VPS13B: variants seen among roughly 807,000 people sequenced by gnomAD.
The protein encoded by VPS13B is vacuolar protein sorting 13 homolog B, also known as intermembrane lipid transfer protein VPS13B.
VPS13B carries 285 observed loss-of-function variants against 426.4 expected under a neutral mutation model. The observed-to-expected ratio is 0.67, with a 90% CI of 0.61 to 0.74. The LOEUF (loss-of-function observed/expected upper bound fraction) is 0.74. Ranked by LOEUF, VPS13B falls within the 30% of genes least tolerant of loss-of-function variation. The pLI, the probability that VPS13B is intolerant of heterozygous loss-of-function variation, is 0.00. For synonymous variants in VPS13B, 1,676 were observed against 1,676.4 expected (o/e 1.00, Z 0.01); for missense variants, 4,537 against 4,782.6 (o/e 0.95, Z 1.51).
chr8:99,739,230 C>G (rs1220056099), intron 39 of VPS13B, among the ~76,000 whole-genome samples: 1 of 152,192 alleles, frequency 6.6e-6, no homozygotes, highest in African/African-American at 2.4e-5. Flanking sequence ...TCATTGCTAG[C>G]ACAGCAGTCT....
intron 2 of VPS13B, among the ~76,000 whole-genome samples, chr8:99,030,822 T>G (rs2132192417): frequency 6.6e-6 from 1 of 152,342 alleles, no homozygotes; most frequent in Admixed American, 6.5e-5. Flanking sequence ...ATTCATAAAT[T>G]TGGTAAATAT....
intron 35 of VPS13B, among the ~76,000 whole-genome samples, chr8:99,666,429 A>T (rs1830489947): frequency 6.6e-6 from 1 of 152,288 alleles, no homozygotes; most frequent in South Asian, 2.1e-4. Context: ...GGCAAACCGA[A>T]TCCAGCAGCA....
intron 14 of VPS13B, among the ~76,000 whole-genome samples, chr8:99,154,467 G>A (rs1811247050): frequency 6.6e-6 from 1 of 152,058 alleles, no homozygotes. Context: ...CAGTATGCCT[G>A]TCAAAGGGAA....
intron 17 of VPS13B, among the ~76,000 whole-genome samples, chr8:99,195,205 T>A (rs1415504692): frequency 1.3e-5 from 2 of 152,224 alleles, no homozygotes; most frequent in African/African-American, 2.4e-5. Flanking sequence ...TCTTTCATCA[T>A]TTTGAGAATG....
intron 30 of VPS13B, among the ~76,000 whole-genome samples, chr8:99,550,808 G>A (rs377462826): frequency 8.0e-4 from 122 of 152,062 alleles, no homozygotes; most frequent in African/African-American, 2.6e-3. Flanking sequence ...TCATTTAGAA[G>A]TGTGTTTTAA....
intron 34 of VPS13B, among the ~76,000 whole-genome samples, chr8:99,657,330 T>C (rs1308152789): frequency 6.6e-6 from 1 of 152,174 alleles, no homozygotes; most frequent in Non-Finnish European, 1.5e-5. Context: ...AAATACCCAC[T>C]AAGTGTTTTT....
At chr8:99,815,469 C>T (rs1813977496) in intron 44 of VPS13B, among the ~76,000 whole-genome samples, 1 of 152,068 alleles carries the variant, frequency 6.6e-6, no homozygotes, top group Non-Finnish European at 1.5e-5. Flanking sequence ...TTAGATGAAG[C>T]CCACCCATGG....
At chr8:99,076,894 C>G (rs988021290) in intron 3 of VPS13B, among the ~76,000 whole-genome samples, 2 of 151,922 alleles carry the variant, frequency 1.3e-5, no homozygotes, top group East Asian at 1.9e-4. Flanking sequence ...TTATTTCTGT[C>G]ATTTTATTGT....
intron 3 of VPS13B, among the ~76,000 whole-genome samples, chr8:99,095,483 A>T (rs904199327): frequency 6.6e-6 from 1 of 152,182 alleles, no homozygotes; most frequent in Admixed American, 6.5e-5. Context: ...AGTTCTTCCA[A>T]ACAGAATGAC....
intron 18 of VPS13B, 58 bp downstream of exon 18, chr8:99,274,390 G>T: frequency 1.2e-6 from 2 of 1,612,206 alleles, no homozygotes; most frequent in Middle Eastern, 1.7e-4. Flanking sequence ...TTGGCCTTGC[G>T]TTTTACAAGG....
At chr8:99,069,818 T>C (rs772467234) in intron 3 of VPS13B, among the ~76,000 whole-genome samples, 11 of 152,360 alleles carry the variant, frequency 7.2e-5, no homozygotes, top group Non-Finnish European at 1.2e-4. Flanking sequence ...TTTTAAAAAT[T>C]CTAAATACAT....
chr8:99,354,235 T>C (rs1021297900), intron 19 of VPS13B, among the ~76,000 whole-genome samples: 18 of 146,612 alleles, frequency 1.2e-4, no homozygotes, highest in African/African-American at 4.3e-4. Context: ...AAAATCGTTG[T>C]GAGCATTCTA....
At chr8:99,247,027 G>C (rs1380802019) in intron 17 of VPS13B, among the ~76,000 whole-genome samples, 1 of 152,050 alleles carries the variant, frequency 6.6e-6, no homozygotes, top group Non-Finnish European at 1.5e-5. Context: ...ATATTTTATA[G>C]CTCTTTAAAA....
intron 25 of VPS13B, among the ~76,000 whole-genome samples, chr8:99,499,940 AT>A (rs1821137215): frequency 6.6e-6 from 1 of 152,078 alleles, no homozygotes; most frequent in South Asian, 2.1e-4. Context: ...GGGAAATTGA[AT>A]TTTCTTCTGA....
chr8:99,635,588 T>A (rs1166171487), intron 33 of VPS13B, among the ~76,000 whole-genome samples: 1 of 152,030 alleles, frequency 6.6e-6, no homozygotes, highest in Non-Finnish European at 1.5e-5. Flanking sequence ...CCTTTTCTTG[T>A]CAGCCATCAA....
intron 4 of VPS13B, among the ~76,000 whole-genome samples, chr8:99,100,166 A>G (rs1038137475): frequency 2.6e-5 from 4 of 152,202 alleles, no homozygotes; most frequent in Middle Eastern, 3.2e-3. Flanking sequence ...TTGCATTTTT[A>G]GTAAGGAAAC....
At chr8:99,134,552 T>C (rs1420635064) in intron 8 of VPS13B, 80 bp from the exon 9 acceptor site, 1 of 1,193,348 alleles carries the variant, frequency 8.4e-7, no homozygotes, top group African/African-American at 1.6e-5. Flanking sequence ...GGCCTTGTTT[T>C]AATCAATTAA....
At chr8:99,320,573 T>G (rs893352999) in intron 19 of VPS13B, among the ~76,000 whole-genome samples, 3 of 152,236 alleles carry the variant, frequency 2.0e-5, no homozygotes, top group Admixed American at 1.3e-4. Flanking sequence ...TTTGGCAATT[T>G]TAATGCAACT....
chr8:99,023,183 C>A (rs1841982358), intron 2 of VPS13B, among the ~76,000 whole-genome samples: 1 of 151,612 alleles, frequency 6.6e-6, no homozygotes, highest in Non-Finnish European at 1.5e-5. Context: ...ACCCCTTCTA[C>A]CCTTCCCAGC....
Sources: gnomAD v4.1 joint callset for allele counts (sites outside exome capture counted in the v4.1 genomes callset) on GRCh38, gnomAD v4.1.1 for gene constraint, MANE v1.5 for transcripts, NCBI Gene and HGNC (gene_info 2026-07-23, HGNC 2026-07-21) for gene names.